Variants in DCAF1 observed in about 807,000 individuals in gnomAD.
DCAF1 encodes the protein DDB1- and CUL4-associated factor 1.
A neutral mutation model predicts 128.0 loss-of-function variants in DCAF1; 15 were observed. The ratio of observed to expected loss-of-function variants is 0.12; its 90% CI spans 0.08 to 0.18. DCAF1 has a LOEUF of 0.18. DCAF1 is among the 10% of genes least tolerant of loss of function. The probability of loss-of-function intolerance (pLI) is 1.00; values close to 1 mark genes in which losing one functional copy is unlikely to be tolerated. For missense variants in DCAF1, 988 were observed against 1,649.5 expected, an observed-to-expected ratio of 0.60 and a Z score of 6.95; for synonymous variants, 610 against 603.0, an observed-to-expected ratio of 1.01 and a Z score of -0.17.
chr3:51,397,063 G>A (rs1032582783), downstream of DCAF1: 1 of 167,066 alleles, frequency 6.0e-6, no homozygotes, highest in Non-Finnish European at 1.5e-5. Context: ...CCTGCCCCTG[G>A]AGAGTTTTAG....
At chr3:51,465,158 CAG>C (rs1322324056) in intron 5 of DCAF1, among the ~76,000 whole-genome samples, 3 of 152,112 alleles carry the variant, frequency 2.0e-5, no homozygotes, top group Admixed American at 6.6e-5. Flanking sequence ...GTGACAAGAA[CAG>C]AACTGGAGGG....
intron 6 of DCAF1, among the ~76,000 whole-genome samples, chr3:51,449,648 A>C (rs1553641035): frequency 6.6e-6 from 1 of 152,184 alleles, no homozygotes; most frequent in Non-Finnish European, 1.5e-5. Context: ...AGAAATAATA[A>C]AGATTATAGT....
At chr3:51,452,308 G>T (rs1702436806) in intron 6 of DCAF1, among the ~76,000 whole-genome samples, 1 of 152,020 alleles carries the variant, frequency 6.6e-6, no homozygotes, top group African/African-American at 2.4e-5. Flanking sequence ...TAGCTAATTT[G>T]TTGAGAAATA....
chr3:51,414,511 AT>A, intron 19 of DCAF1, 112 bp downstream of exon 19: 1 of 1,421,666 alleles, frequency 7.0e-7, no homozygotes, highest in African/African-American at 1.4e-5. Context: ...CAGGCACCAT[AT>A]TATTACCAGT....
chr3:51,452,887 C>T (rs1702499659), intron 6 of DCAF1, among the ~76,000 whole-genome samples: 1 of 151,812 alleles, frequency 6.6e-6, no homozygotes, highest in African/African-American at 2.4e-5. Flanking sequence ...TGGTGGCGGG[C>T]ACCTGTAATC....
At chr3:51,477,674 C>T (rs558174672) in intron 3 of DCAF1, among the ~76,000 whole-genome samples, 2 of 152,110 alleles carry the variant, frequency 1.3e-5, no homozygotes, top group African/African-American at 4.8e-5. Context: ...CACTGCCTCG[C>T]TATGCAGTTT....
chr3:51,432,824 ATC>A (rs1700510716), intron 10 of DCAF1, among the ~76,000 whole-genome samples: 2 of 152,330 alleles, frequency 1.3e-5, no homozygotes, highest in Admixed American at 1.3e-4. Context: ...CTGAAGGCTA[ATC>A]TTAATGCCAC....
chr3:51,435,428 T>C (rs1436844533), intron 9 of DCAF1, among the ~76,000 whole-genome samples: 3 of 152,228 alleles, frequency 2.0e-5, no homozygotes, highest in Non-Finnish European at 2.9e-5. Flanking sequence ...TAATTACATC[T>C]GACCTCCTCC....
chr3:51,457,228 G>A (rs1703021883), intron 6 of DCAF1, among the ~76,000 whole-genome samples: 2 of 152,202 alleles, frequency 1.3e-5, no homozygotes, highest in Admixed American at 6.5e-5. Flanking sequence ...AGGACCTGAT[G>A]GAGCTGAAAA....
chr3:51,491,040 G>GAAA (rs56102341), intron 2 of DCAF1, among the ~76,000 whole-genome samples: 5 of 128,282 alleles, frequency 3.9e-5, no homozygotes, highest in Admixed American at 7.7e-5. Context: ...AACAATCTTG[G>GAAA]AAAAAAAAAA....
At chr3:51,462,951 T>C (rs1703764377) in intron 6 of DCAF1, among the ~76,000 whole-genome samples, 163 bp downstream of exon 6, 1 of 152,050 alleles carries the variant, frequency 6.6e-6, no homozygotes, top group African/African-American at 2.4e-5. Flanking sequence ...TAATAAAAAA[T>C]AAATAATTTT....
chr3:51,413,886 G>GT (rs1698649095), intron 20 of DCAF1, 64 bp downstream of exon 20: 6 of 1,360,726 alleles, frequency 4.4e-6, no homozygotes, highest in Non-Finnish European at 5.7e-6. Context: ...CCAAAAAGAA[G>GT]TATCAAATTA....
intron 4 of DCAF1, among the ~76,000 whole-genome samples, chr3:51,470,237 C>A (rs1553648003): frequency 1.3e-5 from 2 of 151,946 alleles, no homozygotes. Context: ...AAGATGAAGG[C>A]ACAGAGAAGA....
chr3:51,444,766 C>T (rs1291486757), intron 6 of DCAF1, among the ~76,000 whole-genome samples: 1 of 152,132 alleles, frequency 6.6e-6, no homozygotes, highest in Non-Finnish European at 1.5e-5. Flanking sequence ...AGCTCTGCCT[C>T]TTGGGTTCAC....
At chr3:51,433,067 A>G in intron 10 of DCAF1, 39 bp downstream of exon 10, 1 of 398,464 alleles carries the variant, frequency 2.5e-6, no homozygotes, top group Non-Finnish European at 4.4e-6. Context: ...GTTATCCCCA[A>G]CCTAATCTCA....
chr3:51,464,226 G>T (rs1703902730), intron 5 of DCAF1, among the ~76,000 whole-genome samples: 1 of 147,110 alleles, frequency 6.8e-6, no homozygotes, highest in Admixed American at 7.1e-5. Flanking sequence ...CTTGACAATG[G>T]TTAATGAAAA....
At chr3:51,414,092 A>C in intron 19 of DCAF1, 49 bp from the exon 20 acceptor site, 3 of 1,509,350 alleles carry the variant, frequency 2.0e-6, no homozygotes, top group Non-Finnish European at 2.7e-6. Context: ...AACTTATCTA[A>C]TCTCATGGGA....
At chr3:51,410,438 G>A (rs1159314345) in intron 23 of DCAF1, among the ~76,000 whole-genome samples, 1 of 152,160 alleles carries the variant, frequency 6.6e-6, no homozygotes, top group Non-Finnish European at 1.5e-5. Flanking sequence ...AGGTGATGCA[G>A]TATTCAAAGG....
intron 6 of DCAF1, among the ~76,000 whole-genome samples, chr3:51,445,401 A>G (rs782040642): frequency 1.3e-5 from 2 of 152,206 alleles, no homozygotes; most frequent in Non-Finnish European, 2.9e-5. Flanking sequence ...CACGTAGCAC[A>G]CTTAAATAAC....
Sources: gnomAD v4.1 joint callset for allele counts (sites outside exome capture counted in the v4.1 genomes callset) on GRCh38, gnomAD v4.1.1 for gene constraint, MANE v1.5 for transcripts, NCBI Gene and HGNC (gene_info 2026-07-23, HGNC 2026-07-21) for gene names.